MLLT3: variants seen among roughly 807,000 people sequenced by gnomAD.
MLLT3 encodes MLLT3 super elongation complex subunit.
MLLT3 carries 4 observed loss-of-function variants against 53.2 expected under a neutral mutation model. The ratio of observed to expected loss-of-function variants is 0.08; its 90% CI spans 0.04 to 0.17. MLLT3 has a LOEUF of 0.17. MLLT3 is among the 10% of genes least tolerant of loss of function. MLLT3 has a pLI of 1.00. For synonymous variants in MLLT3, 283 were observed against 230.6 expected (o/e 1.23, Z -2.06); for missense variants, 569 against 684.0 (o/e 0.83, Z 1.87).
chr9:20,604,512 T>C (rs867347101), intron 2 of MLLT3, among the ~76,000 whole-genome samples: 2 of 152,108 alleles, frequency 1.3e-5, no homozygotes, highest in African/African-American at 2.4e-5. Context: ...AATATAATCA[T>C]GTTAAAATTA....
At chr9:20,456,226 AC>A in intron 3 of MLLT3, among the ~76,000 whole-genome samples, 1 of 152,238 alleles carries the variant, frequency 6.6e-6, no homozygotes, top group South Asian at 2.1e-4. Flanking sequence ...GGTGTGAGCC[AC>A]CGCGCCAGGC....
intron 5 of MLLT3, among the ~76,000 whole-genome samples, chr9:20,366,792 C>T (rs1563938647): frequency 1.3e-5 from 2 of 152,172 alleles, no homozygotes. Context: ...CAAAAGAAGA[C>T]ATTTATGCGG....
At chr9:20,467,847 T>C (rs1336786823) in intron 2 of MLLT3, among the ~76,000 whole-genome samples, 1 of 152,224 alleles carries the variant, frequency 6.6e-6, no homozygotes, top group African/African-American at 2.4e-5. Flanking sequence ...GGAATTATCA[T>C]GTATGCTGCT....
intron 2 of MLLT3, among the ~76,000 whole-genome samples, chr9:20,550,854 C>T (rs1385309490): frequency 6.6e-6 from 1 of 152,230 alleles, no homozygotes; most frequent in Non-Finnish European, 1.5e-5. Flanking sequence ...ACCTCCTGGG[C>T]TCAAGCAATC....
intron 2 of MLLT3, among the ~76,000 whole-genome samples, chr9:20,502,701 T>A (rs1227848531): frequency 2.0e-5 from 3 of 152,210 alleles, no homozygotes; most frequent in Non-Finnish European, 4.4e-5. Context: ...TGCTATTTTA[T>A]ATCAGAGATT....
At chr9:20,393,874 G>C (rs1224733702) in intron 5 of MLLT3, among the ~76,000 whole-genome samples, 1 of 152,116 alleles carries the variant, frequency 6.6e-6, no homozygotes, top group Non-Finnish European at 1.5e-5. Context: ...TTTATAACTA[G>C]CATTACCAAT....
intron 2 of MLLT3, among the ~76,000 whole-genome samples, chr9:20,480,881 A>G (rs1321110703): frequency 6.6e-6 from 1 of 152,206 alleles, no homozygotes; most frequent in Non-Finnish European, 1.5e-5. Flanking sequence ...CACTACAAAC[A>G]CAAAGATAGC....
intron 2 of MLLT3, among the ~76,000 whole-genome samples, chr9:20,570,231 C>G (rs1033580287): frequency 1.3e-5 from 2 of 152,096 alleles, no homozygotes; most frequent in Admixed American, 1.3e-4. Context: ...ACTGCATGAG[C>G]AGCCAGAGAT....
intron 2 of MLLT3, among the ~76,000 whole-genome samples, chr9:20,603,238 A>G (rs567702753): frequency 1.3e-5 from 2 of 152,052 alleles, no homozygotes; most frequent in Admixed American, 1.3e-4. Flanking sequence ...TTCAAAATCT[A>G]TATAATAAGC....
At chr9:20,555,013 T>C (rs1175062296) in intron 2 of MLLT3, among the ~76,000 whole-genome samples, 1 of 152,242 alleles carries the variant, frequency 6.6e-6, no homozygotes, top group Admixed American at 6.5e-5. Flanking sequence ...TCCTTTCTAA[T>C]TAATTAACTA....
chr9:20,429,110 C>T (rs186656538), intron 4 of MLLT3, among the ~76,000 whole-genome samples: 1 of 152,180 alleles, frequency 6.6e-6, no homozygotes, highest in East Asian at 1.9e-4. Context: ...TGCCTGTAAT[C>T]CCTGTGGTTT....
At chr9:20,451,251 T>C (rs949886327) in intron 3 of MLLT3, among the ~76,000 whole-genome samples, 1 of 152,184 alleles carries the variant, frequency 6.6e-6, no homozygotes, top group Non-Finnish European at 1.5e-5. Context: ...CTGTACCAAA[T>C]AGTCAACAAT....
intron 5 of MLLT3, among the ~76,000 whole-genome samples, chr9:20,405,044 A>G (rs1296772086): frequency 1.3e-5 from 2 of 152,296 alleles, no homozygotes; most frequent in East Asian, 3.9e-4. Flanking sequence ...ATACAATATA[A>G]TATCAATACA....
chr9:20,476,659 G>A (rs915559948), intron 2 of MLLT3, among the ~76,000 whole-genome samples: 1 of 152,100 alleles, frequency 6.6e-6, no homozygotes, highest in East Asian at 1.9e-4. Flanking sequence ...CCTTGGAAAT[G>A]CCAATGAAAA....
chr9:20,354,546 C>G (rs1411908627), intron 9 of MLLT3, among the ~76,000 whole-genome samples: 1 of 152,170 alleles, frequency 6.6e-6, no homozygotes, highest in African/African-American at 2.4e-5. Context: ...CTCTTAATTC[C>G]CAATTCAATG....
intron 2 of MLLT3, among the ~76,000 whole-genome samples, chr9:20,468,358 A>G (rs1824288260): frequency 6.6e-6 from 1 of 152,160 alleles, no homozygotes; most frequent in African/African-American, 2.4e-5. Flanking sequence ...ATATGTGAAA[A>G]AAGAAAATGT....
intron 2 of MLLT3, among the ~76,000 whole-genome samples, chr9:20,572,719 T>C (rs950446726): frequency 6.6e-6 from 1 of 152,090 alleles, no homozygotes; most frequent in Non-Finnish European, 1.5e-5. Context: ...GCTTGAACCC[T>C]GGAGGCAGAG....
chr9:20,548,547 GA>G (rs1472285807), intron 2 of MLLT3, among the ~76,000 whole-genome samples: 1 of 152,106 alleles, frequency 6.6e-6, no homozygotes, highest in Non-Finnish European at 1.5e-5. Context: ...TTAATTATTG[GA>G]AACACCAAGG....
chr9:20,492,575 A>G (rs922201237), intron 2 of MLLT3, among the ~76,000 whole-genome samples: 2 of 151,880 alleles, frequency 1.3e-5, no homozygotes, highest in African/African-American at 4.8e-5. Context: ...CATTAATTCT[A>G]CCTAATTAAA....
Sources: allele counts gnomAD v4.1 joint callset (sites outside exome capture counted in the v4.1 genomes callset), GRCh38; gene constraint gnomAD v4.1.1; transcripts MANE v1.5; gene names NCBI Gene and HGNC (gene_info 2026-07-23, HGNC 2026-07-21).